ARAP2: variants seen among roughly 807,000 people sequenced by gnomAD.
The protein encoded by ARAP2 is ArfGAP with RhoGAP domain, ankyrin repeat and PH domain 2, also known as arf-GAP with Rho-GAP domain, ANK repeat and PH domain-containing protein 2.
ARAP2 carries 148 observed loss-of-function variants against 194.5 expected under a neutral mutation model. The ratio of observed to expected loss-of-function variants is 0.76; its 90% CI spans 0.67 to 0.87. The LOEUF (loss-of-function observed/expected upper bound fraction) is 0.87, where lower values mean the gene tolerates loss of function less well. Among genes scored for constraint, ARAP2 ranks in the 40% least tolerant of loss-of-function variants. The pLI is 0.00. For missense variants in ARAP2, 2,128 were observed against 1,989.7 expected (o/e 1.07, Z -1.32); for synonymous variants, 695 against 683.5 (o/e 1.02, Z -0.26).
intron 3 of ARAP2, among the ~76,000 whole-genome samples, chr4:36,049,631 C>A (rs1722346305): frequency 6.6e-6 from 1 of 152,148 alleles, no homozygotes. Flanking sequence ...AAAGCTTTGA[C>A]TTTGTCTCAT....
downstream of ARAP2, among the ~76,000 whole-genome samples, chr4:36,063,417 T>C (rs1241723028): frequency 6.6e-6 from 1 of 151,256 alleles, no homozygotes; most frequent in Non-Finnish European, 1.5e-5. Flanking sequence ...TGTAACAAAC[T>C]TGCACGTTGT....
chr4:36,131,694 T>C (rs1373812710), intron 20 of ARAP2, among the ~76,000 whole-genome samples: 1 of 151,796 alleles, frequency 6.6e-6, no homozygotes, highest in Non-Finnish European at 1.5e-5. Context: ...ATTTTAATTA[T>C]TTCTTGCTTA....
chr4:36,082,514 G>A (rs985400801), intron 29 of ARAP2, among the ~76,000 whole-genome samples: 2 of 152,106 alleles, frequency 1.3e-5, no homozygotes, highest in Non-Finnish European at 2.9e-5. Context: ...ATGGGGCAGA[G>A]AGGAGATGTC....
chr4:36,238,657 G>A (rs758579236), intron 1 of ARAP2, among the ~76,000 whole-genome samples: 11 of 152,164 alleles, frequency 7.2e-5, no homozygotes, highest in East Asian at 1.9e-4. Flanking sequence ...GTCCATGTAC[G>A]TGGCTAAACC....
downstream of ARAP2, among the ~76,000 whole-genome samples, chr4:36,062,598 T>C (rs1724622826): frequency 6.6e-6 from 1 of 151,920 alleles, no homozygotes; most frequent in Non-Finnish European, 1.5e-5. Flanking sequence ...TATATATGTA[T>C]CTATTTCATA....
chr4:36,200,838 C>T (rs913888422), intron 6 of ARAP2, among the ~76,000 whole-genome samples: 2 of 152,044 alleles, frequency 1.3e-5, no homozygotes, highest in Non-Finnish European at 2.9e-5. Flanking sequence ...TAAGAATTTG[C>T]CAAAGTACTT....
intron 32 of ARAP2, among the ~76,000 whole-genome samples, chr4:36,069,526 T>C (rs1257912445): frequency 6.6e-6 from 1 of 150,848 alleles, no homozygotes; most frequent in Non-Finnish European, 1.5e-5. Context: ...CAAGACAGGG[T>C]TTATAAACAA....
At chr4:36,215,911 T>C (rs1348477088) in intron 2 of ARAP2, among the ~76,000 whole-genome samples, 2 of 151,742 alleles carry the variant, frequency 1.3e-5, no homozygotes, top group East Asian at 1.9e-4. Flanking sequence ...ACGGGCAATA[T>C]AGAGAGACCT....
intron 27 of ARAP2, 81 bp from the exon 28 acceptor site, chr4:36,092,101 C>CA: frequency 2.9e-6 from 4 of 1,366,114 alleles, no homozygotes; most frequent in Non-Finnish European, 3.9e-6. Flanking sequence ...TCTATATTGT[C>CA]ATATAGAAAA....
At chr4:36,128,999 A>G (rs1424335560) in intron 20 of ARAP2, among the ~76,000 whole-genome samples, 2 of 151,948 alleles carry the variant, frequency 1.3e-5, no homozygotes, top group African/African-American at 4.8e-5. Flanking sequence ...CCAGCTCTCC[A>G]TAGTATCTTT....
intron 10 of ARAP2, among the ~76,000 whole-genome samples, chr4:36,166,040 C>T (rs1161314965): frequency 6.6e-6 from 1 of 151,994 alleles, no homozygotes; most frequent in African/African-American, 2.4e-5. Context: ...ATATTAATAC[C>T]TATATTTTTA....
intron 27 of ARAP2, among the ~76,000 whole-genome samples, chr4:36,095,002 T>G (rs1714780941): frequency 6.6e-6 from 1 of 152,216 alleles, no homozygotes; most frequent in Admixed American, 6.5e-5. Context: ...TTAAAATCCA[T>G]TTTTGATGAT....
intron 28 of ARAP2, among the ~76,000 whole-genome samples, chr4:36,090,531 C>CA (rs1405906115): frequency 1.3e-5 from 2 of 152,014 alleles, no homozygotes; most frequent in Non-Finnish European, 2.9e-5. Flanking sequence ...TTGAATTCAC[C>CA]AGCACACCAA....
At position 36,147,609 on chromosome 4, in the gene ARAP2, A is replaced by G. The variant is rs770831944; in HGVS notation, c.3138T>C (p.Phe1046=). 6.2e-7 allele frequency: 1 copy of G among 1,613,656 alleles called. No individual in the cohort carries two copies. The highest frequency in any genetic ancestry group is 1.1e-5 in the South Asian group (1 of 91,044). The change falls in exon 18 of 33, where the codon TTT becomes TTC. Residue 1046 remains phenylalanine, a synonymous_variant. Coordinates refer to ENST00000303965, the MANE Select transcript of ARAP2 (RefSeq NM_015230.4). ...CCTGAACTTCTTGCATTTGAAGGCAAAAATGCAAGCTGGATTTGTCCATAG... is the reference window on the plus strand; with the variant it reads ...CCTGAACTTCTTGCATTTGAAGGCAGAAATGCAAGCTGGATTTGTCCATAG... The part of the protein sequence containing the change: ...WFAMDKSSLH[F]CLQMQEVQGD...
intron 2 of ARAP2, among the ~76,000 whole-genome samples, chr4:36,217,451 G>A (rs1748185276): frequency 6.6e-6 from 1 of 152,182 alleles, no homozygotes; most frequent in Non-Finnish European, 1.5e-5. Context: ...AACCCAGGAG[G>A]CGGAGGTTGC....
intron 24 of ARAP2, among the ~76,000 whole-genome samples, chr4:36,118,541 T>C (rs961352595): frequency 4.6e-5 from 7 of 151,348 alleles, no homozygotes; most frequent in Non-Finnish European, 8.9e-5. Context: ...ACTGAAAGCA[T>C]TCAAAACATC....
intron 3 of ARAP2, among the ~76,000 whole-genome samples, chr4:36,051,425 TG>T (rs1722652841): frequency 6.6e-6 from 1 of 151,994 alleles, no homozygotes; most frequent in Admixed American, 6.6e-5. Context: ...TACAATGAGT[TG>T]AAATCACACC....
intron 32 of ARAP2, among the ~76,000 whole-genome samples, chr4:36,072,376 T>C (rs1029405827): frequency 2.0e-5 from 3 of 152,058 alleles, no homozygotes; most frequent in Admixed American, 6.6e-5. Context: ...GTCTCTGAAA[T>C]TGTGGATTTG....
chr4:36,218,937 AAAG>A (rs1380624679), intron 2 of ARAP2, among the ~76,000 whole-genome samples: 1 of 152,226 alleles, frequency 6.6e-6, no homozygotes, highest in Non-Finnish European at 1.5e-5. Flanking sequence ...GCACCACACC[AAAG>A]AAGATATAAA....
Sources: allele counts gnomAD v4.1 joint callset (sites outside exome capture counted in the v4.1 genomes callset), GRCh38; gene constraint gnomAD v4.1.1; transcripts MANE v1.5; gene names NCBI Gene and HGNC (gene_info 2026-07-23, HGNC 2026-07-21).